The following C2orf42 variants were observed in gnomAD, a reference collection of about 807,000 sequenced individuals.
C2orf42 encodes uncharacterized protein C2orf42.
In C2orf42, 44 loss-of-function variants were observed where a neutral mutation model predicts 58.9. The ratio of observed to expected loss-of-function variants is 0.75; its 90% CI spans 0.59 to 0.96. C2orf42 has a LOEUF of 0.96. Ranked by LOEUF, C2orf42 falls within the 40% of genes least tolerant of loss-of-function variation. The probability of loss-of-function intolerance (pLI) is 0.00; values close to 1 mark genes in which losing one functional copy is unlikely to be tolerated. For missense variants in C2orf42, 630 were observed against 699.2 expected (o/e 0.90, Z 1.12); for synonymous variants, 239 against 265.4 (o/e 0.90, Z 0.97).
chr2:70,181,408 C>T lies in C2orf42; in HGVS notation c.578G>A (p.Cys193Tyr), dbSNP rs773618316. 1 of 1,614,148 alleles carries T rather than the reference C, an allele frequency of 6.2e-7. No individual in the cohort carries two copies. The highest frequency in any genetic ancestry group is 1.1e-5 in the South Asian group (1 of 91,076). ...CAAACTGTGCTTCTGGCTTGCCTTG[C>T]ATTTCACCACCAAGATGTTTTTAGT... is the stretch of plus-strand genomic sequence containing the variant. ...RITKNILVVK[C>Y]KASQKHSLGY... The change falls in exon 3 of 10, where the codon TGC becomes TAC. Residue 193 changes from cysteine to tyrosine, a missense_variant. Transcript: ENST00000264434.
At chr2:70,181,000 CAAAAAAA>C (rs58297085) in intron 3 of C2orf42, among the ~76,000 whole-genome samples, 156 bp downstream of exon 3, 1 of 60,396 alleles carries the variant, frequency 1.7e-5, no homozygotes, top group Non-Finnish European at 2.8e-5. Flanking sequence ...GACCTTGTCT[CAAAAAAA>C]AAAAAAAAAA....
At chr2:70,159,019 C>T (rs2104853309) in intron 9 of C2orf42, among the ~76,000 whole-genome samples, 1 of 143,224 alleles carries the variant, frequency 7.0e-6, no homozygotes, top group East Asian at 2.2e-4. Flanking sequence ...TCACACCATT[C>T]TCCTGCCTCA....
chr2:70,165,662 A>C, intron 6 of C2orf42, 27 bp from the exon 7 acceptor site: 61 of 1,275,832 alleles, frequency 4.8e-5, no homozygotes, highest in Non-Finnish European at 6.2e-5. Context: ...GAAACAACTC[A>C]TTTAAAGAAA....
At chr2:70,156,876 A>G (rs1014864628) in intron 9 of C2orf42, among the ~76,000 whole-genome samples, 106 of 150,806 alleles carry the variant, frequency 7.0e-4, no homozygotes, top group African/African-American at 2.5e-3. Flanking sequence ...AAAAAAAAAG[A>G]GTAAAATTTA....
intron 9 of C2orf42, among the ~76,000 whole-genome samples, chr2:70,158,255 A>G (rs1308656466): frequency 6.6e-6 from 1 of 151,966 alleles, no homozygotes; most frequent in Non-Finnish European, 1.5e-5. Flanking sequence ...AAAATAATAA[A>G]ACTAGAAATT....
chr2:70,160,305 A>G (rs1672970050), intron 9 of C2orf42, among the ~76,000 whole-genome samples: 1 of 151,762 alleles, frequency 6.6e-6, no homozygotes, highest in Non-Finnish European at 1.5e-5. Context: ...ATGCCTGGCT[A>G]AGTTTTGTAT....
chr2:70,159,313 C>G (rs906721676), intron 9 of C2orf42, among the ~76,000 whole-genome samples: 1 of 151,986 alleles, frequency 6.6e-6, no homozygotes, highest in Non-Finnish European at 1.5e-5. Flanking sequence ...TAGGGCCCGG[C>G]CTGGTGGCTC....
intron 7 of C2orf42, 47 bp downstream of exon 7, chr2:70,165,481 C>G: frequency 9.5e-7 from 1 of 1,057,954 alleles, no homozygotes; most frequent in Non-Finnish European, 1.5e-6. Flanking sequence ...AAACATAATT[C>G]TCTATGTTCG....
Position 70,181,787 on chromosome 2 carries a change from T to A in C2orf42, c.199A>T (p.Ile67Phe). 1 of 1,614,144 alleles carries A rather than the reference T, an allele frequency of 6.2e-7. No homozygotes were observed. Among genetic ancestry groups the A allele is most frequent in the Non-Finnish European group, 8.5e-7 (1 of 1,180,006 alleles). ...KQPSVEAVKI[I>F]TGSDLQVYSV... ...TAGACCTGAAGATCAGAGCCTGTAATGATTTTGACAGCTTCAACACTAGGC... is the reference window on the plus strand; with the variant it reads ...TAGACCTGAAGATCAGAGCCTGTAAAGATTTTGACAGCTTCAACACTAGGC... The change falls in exon 3 of 10, where the codon ATT (isoleucine) becomes TTT (phenylalanine). Residue 67 changes from isoleucine (I) to phenylalanine (F), a missense_variant. Physicochemically the swap from Ile to Phe is conservative, Grantham distance 21. Coordinates refer to ENST00000264434, the MANE Select transcript of C2orf42 (RefSeq NM_017880.3).
chr2:70,172,680 A>G (rs535299264), intron 5 of C2orf42, among the ~76,000 whole-genome samples: 81 of 151,952 alleles, frequency 5.3e-4, no homozygotes, highest in Middle Eastern at 3.4e-3. Context: ...TCAAAGAAAA[A>G]CACAACAAAA....
rs746719463 is a variant in C2orf42, at chr2:70,165,159, G to A, written c.1286C>T (p.Thr429Ile). 3 of 1,609,696 alleles carry A rather than the reference G, an allele frequency of 1.9e-6. No homozygotes were observed. The highest frequency in any genetic ancestry group is 2.5e-6 in the Non-Finnish European group (3 of 1,177,498). The change falls in exon 8 of 10, where the codon ACC becomes ATC. Residue 429 changes from threonine to isoleucine, a missense_variant. Transcript: ENST00000264434. Reference sequence around the variant, plus strand: ...GATATGCCAAGTATACTTGGAAAAGGTTCCCAGTGGCAAGGCATCTTTCCG... The same window carrying A: ...GATATGCCAAGTATACTTGGAAAAGATTCCCAGTGGCAAGGCATCTTTCCG... ...FVRKDALPLG[T>I]FSKYTWHITN...
At position 70,160,836 on chromosome 2, in the gene C2orf42, A is replaced by G. The variant is rs578262819; in HGVS notation, c.1354-49T>C. ...AAAAGGTGAGAGAGAAAACTTTCAA[A>G]ACAGACCAATACCTGGATGACGACA... On this transcript the variant is annotated intron_variant, in intron 8 of 9. Coordinates refer to ENST00000264434, the MANE Select transcript of C2orf42 (RefSeq NM_017880.3). 19 of 1,280,472 alleles carry G rather than the reference A, an allele frequency of 1.5e-5. No homozygotes were observed. The South Asian group carries it at 2.6e-4, about 17-fold the overall frequency. 79.3% of individuals were successfully genotyped at this position (1,280,472 alleles called of 1,614,324 possible).
chr2:70,180,472 G>C (rs374214999), intron 3 of C2orf42, among the ~76,000 whole-genome samples: 4 of 151,736 alleles, frequency 2.6e-5, no homozygotes, highest in African/African-American at 9.7e-5. Flanking sequence ...GTCAGGCATG[G>C]TGGCAGGCGC....
chr2:70,167,239 T>G (rs897346450), intron 6 of C2orf42, among the ~76,000 whole-genome samples: 32 of 151,876 alleles, frequency 2.1e-4, no homozygotes, highest in Admixed American at 1.8e-3. Flanking sequence ...GCGCCTGTAG[T>G]CCCAGCTACT....
At chr2:70,153,276 T>C (rs1044112234) in intron 9 of C2orf42, among the ~76,000 whole-genome samples, 2 of 151,464 alleles carry the variant, frequency 1.3e-5, no homozygotes, top group Non-Finnish European at 2.9e-5. Context: ...GCATCAGCGC[T>C]CCACATACAG....
At chr2:70,171,982 G>T (rs1352498864) in intron 5 of C2orf42, among the ~76,000 whole-genome samples, 1 of 151,658 alleles carries the variant, frequency 6.6e-6, no homozygotes, top group Non-Finnish European at 1.5e-5. Flanking sequence ...CAGCACTTTG[G>T]GAGGCCAAGG....
At chr2:70,155,016 C>A (rs1011611849) in intron 9 of C2orf42, among the ~76,000 whole-genome samples, 3 of 151,892 alleles carry the variant, frequency 2.0e-5, no homozygotes, top group African/African-American at 7.3e-5. Context: ...GAGGCCAAGG[C>A]GGGCAGATCA....
chr2:70,180,782 G>A (rs1674505831), intron 3 of C2orf42, among the ~76,000 whole-genome samples: 1 of 150,942 alleles, frequency 6.6e-6, no homozygotes, highest in Non-Finnish European at 1.5e-5. Flanking sequence ...CAGGAGGACT[G>A]CTTCAGCCCA....
At position 70,182,004 on chromosome 2, in the gene C2orf42, A is replaced by C. The variant is rs1470865307; in HGVS notation, c.-12-7T>G. On this transcript the variant is annotated splice_region_variant and splice_polypyrimidine_tract_variant and intron_variant, in intron 2 of 9. Transcript: ENST00000264434. The stretch of plus-strand genomic sequence containing the variant: ...GTTCCATTTTTCAGAGGCCCTACAA[A>C]AGACAATACATCCAACAGTATGAGT... 1 of 1,320,698 alleles carries C rather than the reference A, an allele frequency of 7.6e-7. No individual in the cohort carries two copies. The highest frequency in any genetic ancestry group is 1.2e-5 in the South Asian group (1 of 83,126). 81.8% of individuals were successfully genotyped at this position (1,320,698 alleles called of 1,614,324 possible).
Sources: gnomAD v4.1 joint callset for allele counts (sites outside exome capture counted in the v4.1 genomes callset) on GRCh38, gnomAD v4.1.1 for gene constraint, MANE v1.5 for transcripts, NCBI Gene and HGNC (gene_info 2026-07-23, HGNC 2026-07-21) for gene names.